The following MACROD2 variants were observed in gnomAD, a reference collection of about 807,000 sequenced individuals.
MACROD2 encodes mono-ADP ribosylhydrolase 2, also known as ADP-ribose glycohydrolase MACROD2.
A neutral mutation model predicts 70.4 loss-of-function variants in MACROD2; 36 were observed. The observed-to-expected ratio is 0.51, with a 90% confidence interval of 0.39 to 0.68. The LOEUF (loss-of-function observed/expected upper bound fraction) is 0.68. Ranked by LOEUF, MACROD2 falls within the 30% of genes least tolerant of loss-of-function variation. The pLI, the probability that MACROD2 is intolerant of heterozygous loss-of-function variation, is 0.00. For synonymous variants in MACROD2, 172 were observed against 178.8 expected, an observed-to-expected ratio of 0.96 and a Z score of 0.30; for missense variants, 496 against 538.4, an observed-to-expected ratio of 0.92 and a Z score of 0.78.
intron 8 of MACROD2, among the ~76,000 whole-genome samples, chr20:15,850,994 T>C (rs2064291795): frequency 6.6e-6 from 1 of 152,014 alleles, no homozygotes; most frequent in South Asian, 2.1e-4. Flanking sequence ...AGAGCTCAGG[T>C]GGCCGGCTTC....
At chr20:14,464,289 C>G (rs2084411111) in intron 3 of MACROD2, among the ~76,000 whole-genome samples, 2 of 152,008 alleles carry the variant, frequency 1.3e-5, no homozygotes, top group South Asian at 4.1e-4. Context: ...AGGAATTTAT[C>G]CATTTCTTCT....
intron 7 of MACROD2, among the ~76,000 whole-genome samples, chr20:15,463,202 A>G (rs962360242): frequency 6.6e-6 from 1 of 152,184 alleles, no homozygotes; most frequent in African/African-American, 2.4e-5. Flanking sequence ...TCCATGTGTC[A>G]ATGCCAACAG....
intron 4 of MACROD2, among the ~76,000 whole-genome samples, chr20:14,671,660 A>G (rs2070796224): frequency 6.6e-6 from 1 of 152,204 alleles, no homozygotes; most frequent in South Asian, 2.1e-4. Flanking sequence ...TATTATACTT[A>G]TCATCTTCTC....
intron 5 of MACROD2, among the ~76,000 whole-genome samples, chr20:15,124,118 T>G (rs1327358535): frequency 6.6e-6 from 1 of 152,152 alleles, no homozygotes; most frequent in Non-Finnish European, 1.5e-5. Flanking sequence ...TTGGGGTACT[T>G]TTCTTCTCTC....
chr20:14,095,544 C>G (rs915804598), intron 3 of MACROD2, among the ~76,000 whole-genome samples: 2 of 152,136 alleles, frequency 1.3e-5, no homozygotes, highest in African/African-American at 4.8e-5. Context: ...GTAAGTAGAT[C>G]TAGAGCTTGT....
intron 5 of MACROD2, among the ~76,000 whole-genome samples, chr20:15,097,422 A>G (rs17272168): frequency 0.21 from 32,654 of 152,102 alleles, 4,828 homozygotes; most frequent in Non-Finnish European, 0.32. Flanking sequence ...GTATAGTTCA[A>G]TTTTGCTTTT....
At chr20:15,837,060 T>A (rs768763980) in intron 8 of MACROD2, among the ~76,000 whole-genome samples, 4 of 152,154 alleles carry the variant, frequency 2.6e-5, no homozygotes, top group Non-Finnish European at 4.4e-5. Flanking sequence ...CCAGCACACA[T>A]ATGTACTTGG....
chr20:14,033,374 C>A (rs767174137), intron 2 of MACROD2, among the ~76,000 whole-genome samples: 3 of 151,952 alleles, frequency 2.0e-5, no homozygotes, highest in African/African-American at 7.3e-5. Flanking sequence ...TTGGAAAAAT[C>A]CCCTCTCATC....
At position 14,686,430 on chromosome 20, in the gene MACROD2, A is replaced by G. The variant is rs193196067; in HGVS notation, c.418+1471A>G. ...TTGACTGGCCTGTCACATGAGATAA[A>G]GTGTGGAATTTTCCACTTGTGGCAT... On this transcript the variant is annotated intron_variant, in intron 5 of 17. Transcript: ENST00000684519. Among the ~76,000 whole-genome samples, 60 of 152,332 alleles carry G rather than the reference A, an allele frequency of 3.9e-4. No individual in the cohort carries two copies. The Middle Eastern group carries it at 0.01, about 26-fold the overall frequency.
chr20:15,778,899 C>A (rs909154959), intron 8 of MACROD2, among the ~76,000 whole-genome samples: 1 of 151,988 alleles, frequency 6.6e-6, no homozygotes, highest in African/African-American at 2.4e-5. Flanking sequence ...GATAAAGGAT[C>A]TAGGTTTTAT....
chr20:14,621,518 GA>G (rs562128810), intron 4 of MACROD2, among the ~76,000 whole-genome samples: 268 of 152,190 alleles, frequency 1.8e-3, no homozygotes, highest in African/African-American at 6.1e-3. Flanking sequence ...TATGTTTCAG[GA>G]AAGTCTAACA....
intron 5 of MACROD2, among the ~76,000 whole-genome samples, chr20:14,961,220 A>C (rs554063647): frequency 1.3e-5 from 2 of 152,208 alleles, no homozygotes; most frequent in East Asian, 3.9e-4. Context: ...TAGCACTATC[A>C]TATATTCCGA....
intron 4 of MACROD2, among the ~76,000 whole-genome samples, chr20:14,530,342 C>G (rs2088418315): frequency 6.6e-6 from 1 of 152,174 alleles, no homozygotes; most frequent in Non-Finnish European, 1.5e-5. Context: ...ATGTCCATAA[C>G]ACAAAATAAA....
intron 8 of MACROD2, among the ~76,000 whole-genome samples, chr20:15,823,026 G>C (rs1355013257): frequency 3.3e-5 from 5 of 152,128 alleles, no homozygotes; most frequent in Admixed American, 6.5e-5. Flanking sequence ...ATCTATTATA[G>C]CAGAGAATGG....
chr20:16,033,459 T>C (rs1359440750), intron 15 of MACROD2, among the ~76,000 whole-genome samples: 1 of 152,118 alleles, frequency 6.6e-6, no homozygotes, highest in Admixed American at 6.6e-5. Flanking sequence ...GAATGAATGA[T>C]ACCCCAGAGG....
chr20:15,365,275 T>C (rs1247218347), intron 6 of MACROD2, among the ~76,000 whole-genome samples: 2 of 151,678 alleles, frequency 1.3e-5, no homozygotes, highest in Admixed American at 6.6e-5. Context: ...GTAAAGATGG[T>C]GTAATAAGGA....
intron 5 of MACROD2, among the ~76,000 whole-genome samples, chr20:15,210,848 G>A (rs1315739826): frequency 6.6e-6 from 1 of 152,086 alleles, no homozygotes; most frequent in Non-Finnish European, 1.5e-5. Flanking sequence ...AGTTTCTGGA[G>A]CCCTCCAAGC....
At chr20:14,637,437 A>G (rs898087188) in intron 4 of MACROD2, among the ~76,000 whole-genome samples, 1 of 152,340 alleles carries the variant, frequency 6.6e-6, no homozygotes, top group African/African-American at 2.4e-5. Flanking sequence ...CCTAACTAGT[A>G]GTTATGTTGA....
At chr20:14,416,115 C>A (rs944316489) in intron 3 of MACROD2, among the ~76,000 whole-genome samples, 8 of 151,944 alleles carry the variant, frequency 5.3e-5, no homozygotes, top group Non-Finnish European at 1.5e-5. Flanking sequence ...CACACCACCA[C>A]GCCCAGCTAA....
Sources: allele counts gnomAD v4.1 joint callset (sites outside exome capture counted in the v4.1 genomes callset), GRCh38; gene constraint gnomAD v4.1.1; transcripts MANE v1.5; gene names NCBI Gene and HGNC (gene_info 2026-07-23, HGNC 2026-07-21).